The following TSC1 variants were observed in gnomAD, a reference collection of about 807,000 sequenced individuals.
TSC1 encodes TSC complex subunit 1, also known as hamartin.
TSC1 carries 20 observed loss-of-function variants against 124.3 expected under a neutral mutation model. That is an observed-to-expected ratio of 0.16 (90% CI 0.11 to 0.23). TSC1 has a LOEUF of 0.23. Ranked by LOEUF, TSC1 falls within the 10% of genes least tolerant of loss-of-function variation. The probability of loss-of-function intolerance (pLI) is 1.00; values close to 1 mark genes in which losing one functional copy is unlikely to be tolerated. For missense variants in TSC1, 1,124 were observed against 1,448.5 expected, an observed-to-expected ratio of 0.78 and a Z score of 3.64; for synonymous variants, 493 against 539.1, an observed-to-expected ratio of 0.91 and a Z score of 1.19.
intron 1 of TSC1, chr9:132,943,789 C>G (rs1278566140): frequency 3.3e-5 from 5 of 152,174 alleles, no homozygotes; most frequent in Non-Finnish European, 7.3e-5. Flanking sequence ...ACCACACATC[C>G]AAAACACACA....
At chr9:132,920,056 G>A (rs1230564286) in intron 8 of TSC1, among the ~76,000 whole-genome samples, 1 of 152,244 alleles carries the variant, frequency 6.6e-6, no homozygotes, top group African/African-American at 2.4e-5. Context: ...CGCATGTCCA[G>A]TGCCTTGCCC....
At chr9:132,944,839 G>A (rs915779859), upstream of TSC1, 7 of 376,306 alleles carry the variant, frequency 1.9e-5, no homozygotes, top group African/African-American at 1.5e-4. Context: ...CGGGCGGAAG[G>A]ATCCGAAAGG....
chr9:132,921,282 T>A lies in TSC1; in HGVS notation c.737+81A>T. The A allele has an allele frequency of 6.9e-7, 1 of 1,439,988 alleles. No individual in the cohort carries two copies. Among genetic ancestry groups the A allele is most frequent in the Non-Finnish European group, 9.7e-7 (1 of 1,030,426 alleles). 89.2% of individuals were successfully genotyped at this position (1,439,988 alleles called of 1,614,324 possible). A position where few individuals can be genotyped will look rare whatever the true frequency, so the allele number is the denominator to read the frequency against. On this transcript the variant is annotated intron_variant, in intron 8 of 22. Coordinates refer to ENST00000298552, the MANE Select transcript of TSC1 (RefSeq NM_000368.5). This position sits in a 1 kb window ranked among gnomAD's most constrained non-coding sequence, Gnocchi z 4.3. ...AGTAGAACATCTATATTCCCAAATA[T>A]ACCTCAACAGGGATTACCTCCTAGA...
rs1287856788 is a variant in TSC1, at chr9:132,891,483, C to T, written c.*4752G>A. 4.3e-6 allele frequency: 1 copy of T among 233,438 alleles called. No homozygotes were observed. The highest frequency in any genetic ancestry group is 2.2e-5 in the African/African-American group (1 of 45,324). The allele number at this position is 233,438 out of a possible 1,614,324, so 14.5% of individuals were successfully genotyped here. On this transcript the variant is annotated 3_prime_UTR_variant, in exon 23 of 23. Coordinates refer to ENST00000298552, the MANE Select transcript of TSC1 (RefSeq NM_000368.5). ...TTCACTAAGATTGTACCATTTTATC[C>T]TGCAGTTCATATTTATGGCATCTGA...
chr9:132,923,381 C>G lies in TSC1; in HGVS notation c.475G>C (p.Gly159Arg). The G allele has an allele frequency of 6.2e-7, 1 of 1,614,104 alleles. No homozygotes were observed. Among genetic ancestry groups the G allele is most frequent in the Non-Finnish European group, 8.5e-7 (1 of 1,180,006 alleles). The change falls in exon 6 of 23, where the codon GGC becomes CGC. Residue 159 changes from glycine to arginine, a missense_variant. Physicochemically the swap from Gly to Arg is moderately radical, Grantham distance 125 (BLOSUM62 -2). This residue lies in a region of TSC1 where 463 missense variants were observed against 606.8 expected (regional missense o/e 0.76). Transcript: ENST00000298552. The surrounding 1 kb of genome is among the most constrained non-coding windows in gnomAD (Gnocchi z 4.2). ...QHLLDFFDIFGRLSSWCLKKP... is the reference protein window; with the variant it reads ...QHLLDFFDIFRRLSSWCLKKP... Reference sequence around the variant, plus strand: ...TTCAGGCACCATGATGACAGACGGCCAAAAATGTCAAAGAAATCAAGAAGA... The same window carrying G: ...TTCAGGCACCATGATGACAGACGGCGAAAAATGTCAAAGAAATCAAGAAGA...
At position 132,932,027 on chromosome 9, in the gene TSC1, C is replaced by T. The variant is rs147369226; in HGVS notation, c.-81+3006G>A. ...GCCACAAAAGTCTCTAGCCATAAGT[C>T]TCTTTTCCATTTTGGAAGTAACTCA... On this transcript the variant is annotated intron_variant, in intron 2 of 22. Coordinates refer to ENST00000298552, the MANE Select transcript of TSC1 (RefSeq NM_000368.5). Among the ~76,000 whole-genome samples, 196 of 152,334 alleles carry T rather than the reference C, an allele frequency of 1.3e-3. 2 individuals are homozygous for T. The highest frequency in any genetic ancestry group is 4.4e-3 in the African/African-American group (182 of 41,570).
chr9:132,919,457 C>A (rs763074960), intron 8 of TSC1, among the ~76,000 whole-genome samples: 1 of 152,172 alleles, frequency 6.6e-6, no homozygotes, highest in Non-Finnish European at 1.5e-5. Flanking sequence ...ACCAGCTCCC[C>A]TAGAGAAAAA....
rs113308027 is a variant in TSC1, at chr9:132,910,465, C to A, written c.1263+106G>T. 9.5e-6 allele frequency: 15 copies of A among 1,585,186 alleles called. No homozygotes were observed. In the African/African-American group the frequency reaches 1.9e-4, roughly 20 times the overall value. ...CAATTATTCTGATTCAAACCCATTG[C>A]ATTTTAGGTCAGAATTCTATCTGGC... On this transcript the variant is annotated intron_variant, in intron 12 of 22. Coordinates refer to ENST00000298552, the MANE Select transcript of TSC1 (RefSeq NM_000368.5).
In TSC1 at chr9:132,918,022, C is replaced by T. The variant is rs140515293; in HGVS notation, c.737+3341G>A. Among the ~76,000 whole-genome samples the T allele has an allele frequency of 2.4e-3, 362 of 152,238 alleles. 1 individual carries two copies. Among genetic ancestry groups the T allele is most frequent in the Non-Finnish European group, 3.9e-3 (262 of 68,006 alleles). On this transcript the variant is annotated intron_variant, in intron 8 of 22. Coordinates refer to ENST00000298552, the MANE Select transcript of TSC1 (RefSeq NM_000368.5). The stretch of plus-strand genomic sequence containing the variant: ...TTCCAAAGCCAAACAATCTGCCCAG[C>T]CAAGGTGAGTGAGGCTCTCTATAAG...
At position 132,893,838 on chromosome 9, in the gene TSC1, T is replaced by C; in HGVS notation, c.*2397A>G. The C allele has an allele frequency of 4.3e-6, 1 of 233,344 alleles. No individual in the cohort carries two copies. The highest frequency in any genetic ancestry group is 5.6e-5 in the Admixed American group (1 of 17,800). 14.5% of individuals were successfully genotyped at this position (233,344 alleles called of 1,614,324 possible). On this transcript the variant is annotated 3_prime_UTR_variant, in exon 23 of 23. Coordinates refer to ENST00000298552, the MANE Select transcript of TSC1 (RefSeq NM_000368.5). Reference sequence around the variant, plus strand: ...CTCTCGAGAGTAATACTGTCACCTTTCCATCCTTAGAACTACCCACTGCAG... The same window carrying C: ...CTCTCGAGAGTAATACTGTCACCTTCCCATCCTTAGAACTACCCACTGCAG...
intron 8 of TSC1, among the ~76,000 whole-genome samples, chr9:132,917,664 G>C (rs1357003352): frequency 6.6e-6 from 1 of 152,164 alleles, no homozygotes; most frequent in Non-Finnish European, 1.5e-5. Flanking sequence ...TTAATTGGAT[G>C]CTGGGACTTC....
At chr9:132,907,943 C>T (rs936844159) in intron 12 of TSC1, among the ~76,000 whole-genome samples, 14 of 152,238 alleles carry the variant, frequency 9.2e-5, no homozygotes, top group African/African-American at 2.6e-4. Flanking sequence ...AAAAAGTAGC[C>T]GGGCATGGTG....
At position 132,900,583 on chromosome 9, in the gene TSC1, G is replaced by A. The variant is rs948426794; in HGVS notation, c.2625+132C>T. 14 of 1,458,422 alleles carry A rather than the reference G, an allele frequency of 9.6e-6. 1 individual carries two copies. The highest frequency in any genetic ancestry group is 2.3e-5 in the South Asian group (2 of 87,254). 90.3% of individuals were successfully genotyped at this position (1,458,422 alleles called of 1,614,324 possible). On this transcript the variant is annotated intron_variant, in intron 20 of 22. Coordinates refer to ENST00000298552, the MANE Select transcript of TSC1 (RefSeq NM_000368.5). ...GAAAGTGCTTGTATAGCTGGACCAC[G>A]GAGTAGTGGGACTGCCGCTCCGTCT...
intron 3 of TSC1, among the ~76,000 whole-genome samples, chr9:132,928,466 A>G (rs1436455368): frequency 6.6e-6 from 1 of 152,216 alleles, no homozygotes; most frequent in Non-Finnish European, 1.5e-5. Flanking sequence ...AACCACATAT[A>G]TGATTTACAG....
Position 132,900,347 on chromosome 9 carries a change from AT to A in TSC1, c.2625+367del, listed in dbSNP as rs2131679212. The A allele has an allele frequency of 3.3e-6, 1 of 302,284 alleles. No homozygotes were observed. The highest frequency in any genetic ancestry group is 6.5e-6 in the Non-Finnish European group (1 of 154,336). 18.7% of individuals were successfully genotyped at this position (302,284 alleles called of 1,614,324 possible). ...CATTAAAAGGAAAAAAAAAAATGGT[AT>A]GTACAGCACTCTATATCCATGGTCC... On this transcript the variant is annotated intron_variant, in intron 20 of 22. Coordinates refer to ENST00000298552, the MANE Select transcript of TSC1 (RefSeq NM_000368.5).
rs774835995 is a variant in TSC1 at position 132,904,434 on chromosome 9, G to T, written c.2018C>A (p.Ser673Tyr). 5 of 1,613,956 alleles carry T rather than the reference G, an allele frequency of 3.1e-6. No homozygotes were observed. In the Admixed American group the frequency reaches 8.3e-5, roughly 27 times the overall value. The change falls in exon 16 of 23, where the codon TCT (serine) becomes TAT (tyrosine). Residue 673 changes from serine to tyrosine, a missense_variant. Coordinates refer to ENST00000298552, the MANE Select transcript of TSC1 (RefSeq NM_000368.5). ...ACCTCCAAAGTGGGTCCAGTCGACA[G>T]ACTTGCTGGGTAAAGGCAACCTAGG... ...ELNKLPLPSK[S>Y]VDWTHFGGSP... is the part of the protein sequence containing the mutation.
chr9:132,928,830 C>A lies in TSC1; in HGVS notation c.43G>T (p.Asp15Tyr). 6.2e-7 allele frequency: 1 copy of A among 1,614,210 alleles called. No homozygotes were observed. Among genetic ancestry groups the A allele is most frequent in the Non-Finnish European group, 8.5e-7 (1 of 1,180,042 alleles). The change falls in exon 3 of 23, where the codon GAC becomes TAC. Residue 15 changes from aspartate (D) to tyrosine (Y), a missense_variant. Around this residue, in one of 5 missense-constraint regions of TSC1, gnomAD observed 463 missense variants for 606.8 expected, o/e 0.76. Transcript: ENST00000298552. ...TCCCGCACACCCAGCATGGGGGAGTCCAGCATGGCAAGAAGCTCCCCGACA... is the reference window on the plus strand; with the variant it reads ...TCCCGCACACCCAGCATGGGGGAGTACAGCATGGCAAGAAGCTCCCCGACA... ...ANVGELLAML[D>Y]SPMLGVRDDV...
chr9:132,907,742 G>C (rs564409180), intron 12 of TSC1, among the ~76,000 whole-genome samples: 1 of 152,090 alleles, frequency 6.6e-6, no homozygotes, highest in Non-Finnish European at 1.5e-5. Flanking sequence ...TGCCTGCCTC[G>C]GCCTCCCAAA....
Position 132,927,316 on chromosome 9 carries a change from A to C in TSC1, c.107-12T>G, listed in dbSNP as rs764588063. On this transcript the variant is annotated splice_polypyrimidine_tract_variant and intron_variant, in intron 3 of 22. Coordinates refer to ENST00000298552, the MANE Select transcript of TSC1 (RefSeq NM_000368.5). ...CATAGGGCCACGGTCTAAATCAAGA[A>C]AAGGGCAATGGATGATACTTATTCC... 1 of 1,611,822 alleles carries C rather than the reference A, an allele frequency of 6.2e-7. No individual in the cohort carries two copies. The highest frequency in any genetic ancestry group is 2.2e-5 in the East Asian group (1 of 44,870).
Sources: allele counts gnomAD v4.1 joint callset (sites outside exome capture counted in the v4.1 genomes callset), GRCh38; gene constraint gnomAD v4.1.1; regional missense constraint gnomAD v4.1.1; non-coding constraint Gnocchi (gnomAD v3.1); transcripts MANE v1.5; gene names NCBI Gene and HGNC (gene_info 2026-07-23, HGNC 2026-07-21).